LIAS: variants seen among roughly 807,000 people sequenced by gnomAD.
The protein encoded by LIAS is lipoyl synthase, mitochondrial.
Under a neutral mutation model 49.4 loss-of-function variants are expected in LIAS, and 36 were observed. The ratio of observed to expected loss-of-function variants is 0.73; its 90% confidence interval spans 0.56 to 0.96. The LOEUF (loss-of-function observed/expected upper bound fraction) is 0.96, where lower values mean the gene tolerates loss of function less well. LIAS is among the 40% of genes least tolerant of loss of function. The pLI is 0.00. For synonymous variants in LIAS, 145 were observed against 155.8 expected, an observed-to-expected ratio of 0.93 and a Z score of 0.52; for missense variants, 399 against 456.3, an observed-to-expected ratio of 0.87 and a Z score of 1.14.
At chr4:39,464,936 TA>T in intron 4 of LIAS, 109 bp from the exon 5 acceptor site, 2 of 792,036 alleles carry the variant, frequency 2.5e-6, no homozygotes, top group Non-Finnish European at 4.0e-6. Flanking sequence ...AAATTTCTTA[TA>T]AACAGAACCA....
In LIAS at chr4:39,476,975, G is replaced by A. The variant is rs144204996; in HGVS notation, c.1067-88G>A. Reference sequence around the variant, plus strand: ...AAATACAAAAGTCTTCTTTAAAGGGGGAACACCAAAAATATAATTCTGAAA... The same window carrying A: ...AAATACAAAAGTCTTCTTTAAAGGGAGAACACCAAAAATATAATTCTGAAA... On this transcript the variant is annotated intron_variant, in intron 10 of 10. Coordinates refer to ENST00000640888, the MANE Select transcript of LIAS (RefSeq NM_006859.4). 3.6e-5 allele frequency: 31 copies of A among 859,780 alleles called. No homozygotes were observed. The East Asian group carries it at 8.9e-4, about 25-fold the overall frequency. The allele number at this position is 859,780 out of a possible 1,614,324, so 53.3% of individuals were successfully genotyped here.
At position 39,470,005 on chromosome 4, in the gene LIAS, C is replaced by T. The variant is rs1211440071; in HGVS notation, c.738-14C>T. On this transcript the variant is annotated splice_polypyrimidine_tract_variant and intron_variant, in intron 7 of 10. Transcript: ENST00000640888. ...CTTGTAATTCTTGCTGACAACAGTC[C>T]TGCTGTTTTCCAGTAAGGTTCGTGA... 1.9e-6 allele frequency: 3 copies of T among 1,601,454 alleles called. No individual in the cohort carries two copies. Among genetic ancestry groups the T allele is most frequent in the Non-Finnish European group, 1.7e-6 (2 of 1,171,274 alleles).
chr4:39,478,496 T>A lies in LIAS; in HGVS notation c.*1381T>A, dbSNP rs1745285263. The A allele has an allele frequency of 6.6e-6, 1 of 152,070 alleles. No homozygotes were observed. The highest frequency in any genetic ancestry group is 2.1e-4 in the South Asian group (1 of 4,832). 9.4% of individuals were successfully genotyped at this position (152,070 alleles called of 1,614,324 possible). A position where few individuals can be genotyped will look rare whatever the true frequency, so the allele number is the denominator to read the frequency against. On this transcript the variant is annotated 3_prime_UTR_variant, in exon 11 of 11. Transcript: ENST00000640888. The stretch of plus-strand genomic sequence containing the variant: ...TCCAGCCCGGGCAACAGAGTGAGAC[T>A]GTCTCAAAAAAAAAGTAAATGTTGA...
At chr4:39,470,199 G>A (rs1431816938) in intron 8 of LIAS, 35 bp downstream of exon 8, 6 of 1,567,926 alleles carry the variant, frequency 3.8e-6, no homozygotes, top group Admixed American at 3.5e-5. Context: ...TCTTTCCCAT[G>A]TAATTTGAGT....
rs369988555 is a variant in LIAS at position 39,460,891 on chromosome 4, A to T, written c.147A>T (p.Val49=). The part of the protein sequence containing the change: ...LQNGPDLQDF[V]SGDLADRSTW... ...ATGGACCAGACCTTCAAGATTTTGT[A>T]TCTGGTGATCTTGCAGACAGGAGCA... The change falls in exon 2 of 11, where the codon GTA becomes GTT. Residue 49 remains valine, a synonymous_variant. Transcript: ENST00000640888. 1.9e-6 allele frequency: 3 copies of T among 1,613,428 alleles called. No individual in the cohort carries two copies. Among genetic ancestry groups the T allele is most frequent in the Non-Finnish European group, 2.5e-6 (3 of 1,179,656 alleles).
intron 7 of LIAS, chr4:39,469,781 C>T: frequency 2.7e-6 from 1 of 365,816 alleles, no homozygotes; most frequent in Non-Finnish European, 4.9e-6. Context: ...AATGCATAAA[C>T]TGAAGTAATT....
chr4:39,465,434 C>G (rs1047331260), intron 6 of LIAS, 92 bp downstream of exon 6: 1 of 1,073,412 alleles, frequency 9.3e-7, no homozygotes, highest in Non-Finnish European at 1.3e-6. Context: ...GGATTATTCA[C>G]TTTTTGAGGA....
At chr4:39,462,314 C>T (rs771741194) in intron 3 of LIAS, 25 bp downstream of exon 3, 12 of 1,128,410 alleles carry the variant, frequency 1.1e-5, no homozygotes, top group African/African-American at 1.6e-5. Flanking sequence ...TGTAAACTAT[C>T]CCTCTTCACC....
At chr4:39,463,638 C>A in intron 4 of LIAS, 33 bp downstream of exon 4, 2 of 1,592,550 alleles carry the variant, frequency 1.3e-6, no homozygotes, top group Non-Finnish European at 1.7e-6. Flanking sequence ...TGGCTTTAGT[C>A]TAGAAACTGA....
At chr4:39,462,743 G>A (rs150248751) in intron 3 of LIAS, among the ~76,000 whole-genome samples, 5 of 152,286 alleles carry the variant, frequency 3.3e-5, no homozygotes, top group South Asian at 2.1e-4. Context: ...CCAGTACTTC[G>A]GAAGGCCGAG....
chr4:39,460,675 C>G, intron 1 of LIAS, 115 bp from the exon 2 acceptor site: 1 of 753,160 alleles, frequency 1.3e-6, no homozygotes, highest in Non-Finnish European at 2.1e-6. Flanking sequence ...CCTAGTTTGA[C>G]ATAATTTCTG....
chr4:39,466,322 A>G (rs1744754245), intron 6 of LIAS: 1 of 152,146 alleles, frequency 6.6e-6, no homozygotes, highest in Admixed American at 6.5e-5. Context: ...ATGATTCCCT[A>G]GTATTTTCTA....
rs1177705692 is a variant in LIAS at position 39,471,479 on chromosome 4, G to A, written c.954+173G>A. ...CTCCTGAGCAGCTGGGACTACAGGCGGGTGCCACTACATCCGGCTAAAATA... is the reference window on the plus strand; with the variant it reads ...CTCCTGAGCAGCTGGGACTACAGGCAGGTGCCACTACATCCGGCTAAAATA... On this transcript the variant is annotated intron_variant, in intron 9 of 10. Coordinates refer to ENST00000640888, the MANE Select transcript of LIAS (RefSeq NM_006859.4). Among the ~76,000 whole-genome samples the A allele has an allele frequency of 4.0e-5, 6 of 149,506 alleles. No homozygotes were observed. The East Asian group carries it at 5.8e-4, about 14-fold the overall frequency.
intron 7 of LIAS, chr4:39,468,225 A>T (rs13129244): frequency 0.3 from 45,986 of 151,766 alleles, 7,041 homozygotes; most frequent in Admixed American, 0.32. Flanking sequence ...CACGCCTGTA[A>T]TCTCAGCACT....
chr4:39,462,274 T>C lies in LIAS; in HGVS notation c.297T>C (p.Asn99=), dbSNP rs144299903. 335 of 1,549,844 alleles carry C rather than the reference T, an allele frequency of 2.2e-4. 2 individuals carry two copies. The highest frequency in any genetic ancestry group is 1.5e-3 in the Middle Eastern group (9 of 5,810). Residue 99 remains asparagine, a synonymous_variant, in exon 3 of 11, where the codon AAT becomes AAC. Coordinates refer to ENST00000640888, the MANE Select transcript of LIAS (RefSeq NM_006859.4). ...ATAAACTGAAAAATACTTTGCGGAA[T>C]TTAAATCTCCATACAGTAAGTTGTC... ...NYNKLKNTLR[N]LNLHTVCEEA...
rs1362202777 is a variant in LIAS at position 39,460,842 on chromosome 4, A to AT, written c.99dup (p.Lys34Ter). 3 of 1,606,834 alleles carry AT rather than the reference A, an allele frequency of 1.9e-6. No individual in the cohort carries two copies. The highest frequency in any genetic ancestry group is 2.5e-6 in the Non-Finnish European group (3 of 1,177,830). ...GTCAGACCGTTAAGCTCCTTGCCAG[A>AT]TAAAAAAAAGGAACTCCTACAGAAT... is the stretch of plus-strand genomic sequence containing the variant. On this transcript the variant is annotated frameshift_variant, in exon 2 of 11. Coordinates refer to ENST00000640888, the MANE Select transcript of LIAS (RefSeq NM_006859.4). LOFTEE classifies it high-confidence loss of function.
intron 9 of LIAS, 116 bp downstream of exon 9, chr4:39,471,422 T>G: frequency 2.8e-6 from 2 of 726,376 alleles, no homozygotes; most frequent in Non-Finnish European, 4.4e-6. Flanking sequence ...TAATCTCTGC[T>G]TCCTGGGTTC....
At chr4:39,464,857 A>G (rs1262733563) in intron 4 of LIAS, among the ~76,000 whole-genome samples, 189 bp from the exon 5 acceptor site, 1 of 152,086 alleles carries the variant, frequency 6.6e-6, no homozygotes, top group African/African-American at 2.4e-5. Flanking sequence ...TGCTGAGTTT[A>G]TTATTTCCCT....
chr4:39,461,064 T>G, intron 2 of LIAS, 102 bp downstream of exon 2: 1 of 917,790 alleles, frequency 1.1e-6, no homozygotes, highest in Non-Finnish European at 1.6e-6. Flanking sequence ...TCAGACTTGT[T>G]AAATTTAGCT....
Sources: gnomAD v4.1 joint callset for allele counts (sites outside exome capture counted in the v4.1 genomes callset) on GRCh38, gnomAD v4.1.1 for gene constraint, MANE v1.5 for transcripts, NCBI Gene and HGNC (gene_info 2026-07-23, HGNC 2026-07-21) for gene names.